Variants in DDX60 observed in about 807,000 individuals in gnomAD.
DDX60 encodes the protein DExD/H-box helicase 60.
Under a neutral mutation model 212.8 loss-of-function variants are expected in DDX60, and 165 were observed. The observed-to-expected ratio is 0.78, with a 90% CI of 0.68 to 0.88. The LOEUF (loss-of-function observed/expected upper bound fraction) is 0.88, where lower values mean the gene tolerates loss of function less well. Ranked by LOEUF, DDX60 falls within the 40% of genes least tolerant of loss-of-function variation. DDX60 has a pLI of 0.00. For synonymous variants in DDX60, 703 were observed against 685.3 expected, an observed-to-expected ratio of 1.03 and a Z score of -0.40; for missense variants, 1,905 against 2,003.9, an observed-to-expected ratio of 0.95 and a Z score of 0.94.
At chr4:168,279,778 T>C (rs1187755436) in intron 14 of DDX60, among the ~76,000 whole-genome samples, 1 of 152,044 alleles carries the variant, frequency 6.6e-6, no homozygotes, top group Non-Finnish European at 1.5e-5. Context: ...ACTTATTGAG[T>C]CATCTAGGGA....
chr4:168,269,711 TATA>T (rs1297659817), intron 19 of DDX60, among the ~76,000 whole-genome samples: 4 of 152,218 alleles, frequency 2.6e-5, no homozygotes, highest in Non-Finnish European at 5.9e-5. Context: ...TAATGGGATG[TATA>T]ATGTCTGGCA....
At chr4:168,246,761 T>C (rs1734037940) in intron 29 of DDX60, 143 bp from the exon 30 acceptor site, 3 of 810,132 alleles carry the variant, frequency 3.7e-6, no homozygotes, top group Admixed American at 5.6e-5. Context: ...AACATGCAAC[T>C]ACATAGTGCT....
chr4:168,316,186 CAA>C (rs1481444270), intron 1 of DDX60, among the ~76,000 whole-genome samples: 1 of 152,136 alleles, frequency 6.6e-6, no homozygotes, highest in Non-Finnish European at 1.5e-5. Flanking sequence ...TTCGAATTTA[CAA>C]AAGTCTATTT....
At chr4:168,218,021 A>C (rs1435546538) in intron 37 of DDX60, among the ~76,000 whole-genome samples, 1 of 152,174 alleles carries the variant, frequency 6.6e-6, no homozygotes, top group East Asian at 1.9e-4. Context: ...GGAGAGAAGA[A>C]ATCCAAGAAT....
intron 1 of DDX60, among the ~76,000 whole-genome samples, chr4:168,315,455 A>C (rs1200891628): frequency 6.6e-6 from 1 of 152,202 alleles, no homozygotes; most frequent in Non-Finnish European, 1.5e-5. Flanking sequence ...CATGTGCAGA[A>C]CATGCAGGTT....
chr4:168,290,454 G>A (rs1424091761), intron 8 of DDX60, among the ~76,000 whole-genome samples: 17 of 150,582 alleles, frequency 1.1e-4, no homozygotes, highest in Admixed American at 1.0e-3. Flanking sequence ...GCAGCCTCCC[G>A]AGCAGCTGGG....
Position 168,287,026 on chromosome 4 carries a change from GATTA to G in DDX60, c.1339+18_1339+21del. ...TCAGAGGAATAATGCTTTCATTTCA[GATTA>G]ATTTAGAAATTTATTACCTTTGATT... On this transcript the variant is annotated intron_variant, in intron 10 of 37. Transcript: ENST00000393743. 1 of 1,569,948 alleles carries G rather than the reference GATTA, an allele frequency of 6.4e-7. No individual in the cohort carries two copies. Among genetic ancestry groups the G allele is most frequent in the Non-Finnish European group, 8.7e-7 (1 of 1,155,478 alleles).
chr4:168,253,416 T>C (rs1380957786), intron 26 of DDX60, among the ~76,000 whole-genome samples: 1 of 152,100 alleles, frequency 6.6e-6, no homozygotes, highest in Non-Finnish European at 1.5e-5. Flanking sequence ...ACAGCTGCTT[T>C]GAGTTGGGTT....
intron 14 of DDX60, among the ~76,000 whole-genome samples, chr4:168,276,524 T>C (rs879809828): frequency 2.6e-5 from 4 of 152,188 alleles, no homozygotes; most frequent in Non-Finnish European, 5.9e-5. Context: ...AAGAAAAATA[T>C]CTTTATTACT....
intron 33 of DDX60, among the ~76,000 whole-genome samples, chr4:168,234,343 C>A (rs995780334): frequency 6.6e-6 from 1 of 151,890 alleles, no homozygotes; most frequent in Non-Finnish European, 1.5e-5. Flanking sequence ...ATTATATATA[C>A]ATTAAACTTT....
intron 6 of DDX60, among the ~76,000 whole-genome samples, chr4:168,300,502 T>C (rs902690282): frequency 6.6e-6 from 1 of 151,630 alleles, no homozygotes; most frequent in Non-Finnish European, 1.5e-5. Flanking sequence ...ATCATGCCAC[T>C]GCACTCCAAC....
At chr4:168,319,802 C>T (rs1008986373), upstream of DDX60, among the ~76,000 whole-genome samples, 6 of 152,066 alleles carry the variant, frequency 3.9e-5, no homozygotes, top group African/African-American at 1.4e-4. Flanking sequence ...GCTGCTTTGT[C>T]TACAAGGAAA....
At chr4:168,244,304 A>G (rs755823278) in intron 30 of DDX60, among the ~76,000 whole-genome samples, 1 of 152,036 alleles carries the variant, frequency 6.6e-6, no homozygotes, top group African/African-American at 2.4e-5. Flanking sequence ...GTCATACTTA[A>G]TGGGTGCCAA....
At chr4:168,221,476 G>A (rs910449911) in intron 36 of DDX60, among the ~76,000 whole-genome samples, 5 of 151,954 alleles carry the variant, frequency 3.3e-5, no homozygotes, top group African/African-American at 9.7e-5. Flanking sequence ...TATTTATATC[G>A]TTAGAGCACA....
At chr4:168,324,111 C>A in the DDX60 span, among the ~76,000 whole-genome samples, 6 of 152,188 alleles carry the variant, frequency 3.9e-5, 1 homozygote, top group Admixed American at 3.9e-4. Context: ...GTGAACTATG[C>A]CAGAGAGCCC....
At chr4:168,223,951 T>C (rs1178808820) in intron 35 of DDX60, among the ~76,000 whole-genome samples, 1 of 151,864 alleles carries the variant, frequency 6.6e-6, no homozygotes, top group Non-Finnish European at 1.5e-5. Flanking sequence ...CTGAAGACAG[T>C]TTTATGTGCT....
In DDX60 at chr4:168,306,450, C is replaced by G. The variant is rs755645309; in HGVS notation, c.535G>C (p.Glu179Gln). Residue 179 changes from glutamate to glutamine, a missense_variant, in exon 5 of 38, where the codon GAA becomes CAA. Transcript: ENST00000393743. ...GCATAAAGGCAAAGAACATCAGATTCTTGCCCTGAGGAAAGTACAACGTTG... is the reference window on the plus strand; with the variant it reads ...GCATAAAGGCAAAGAACATCAGATTGTTGCCCTGAGGAAAGTACAACGTTG... Reference protein sequence around the residue: ...KVNVVLSSGQESDVLCLYAYL... With the variant: ...KVNVVLSSGQQSDVLCLYAYL... 6.2e-7 allele frequency: 1 copy of G among 1,614,120 alleles called. No homozygotes were observed. The highest frequency in any genetic ancestry group is 8.5e-7 in the Non-Finnish European group (1 of 1,179,998).
At chr4:168,223,518 T>A (rs1733139085) in intron 35 of DDX60, among the ~76,000 whole-genome samples, 1 of 152,022 alleles carries the variant, frequency 6.6e-6, no homozygotes, top group Non-Finnish European at 1.5e-5. Context: ...TGAAAACACT[T>A]TCTTGTTGAT....
chr4:168,260,292 G>T (rs1479309623), intron 25 of DDX60, among the ~76,000 whole-genome samples: 3 of 152,082 alleles, frequency 2.0e-5, no homozygotes, highest in Non-Finnish European at 4.4e-5. Flanking sequence ...AGGCCCCGGT[G>T]TGTGATGTTC....
Sources: gnomAD v4.1 joint callset for allele counts (sites outside exome capture counted in the v4.1 genomes callset) on GRCh38, gnomAD v4.1.1 for gene constraint, MANE v1.5 for transcripts, NCBI Gene and HGNC (gene_info 2026-07-23, HGNC 2026-07-21) for gene names.